Variants in EPS15L1 observed in about 807,000 individuals in gnomAD.
The protein encoded by EPS15L1 is epidermal growth factor receptor pathway substrate 15 like 1, also known as epidermal growth factor receptor substrate 15-like 1.
EPS15L1 carries 43 observed loss-of-function variants against 117.1 expected under a neutral mutation model. The observed-to-expected ratio is 0.37, with a 90% confidence interval of 0.29 to 0.47. The LOEUF (loss-of-function observed/expected upper bound fraction) is 0.47. EPS15L1 is among the 20% of genes least tolerant of loss of function. The pLI, the probability that EPS15L1 is intolerant of heterozygous loss-of-function variation, is 0.99. For synonymous variants in EPS15L1, 459 were observed against 470.5 expected, an observed-to-expected ratio of 0.98 and a Z score of 0.32; for missense variants, 981 against 1,164.0, an observed-to-expected ratio of 0.84 and a Z score of 2.29.
intron 23 of EPS15L1, chr19:16,356,209 AGCCCCACG>A (rs1468695423): frequency 9.6e-6 from 3 of 311,328 alleles, no homozygotes; most frequent in Non-Finnish European, 1.8e-5. Context: ...ATGGCTCTAA[AGCCCCACG>A]GCGCAGACAA....
At chr19:16,437,955 G>A in intron 4 of EPS15L1, 90 bp from the exon 5 acceptor site, 2 of 972,906 alleles carry the variant, frequency 2.1e-6, no homozygotes, top group South Asian at 2.8e-5. Context: ...CAGGGAAAGA[G>A]GATGTGCACT....
intron 22 of EPS15L1, among the ~76,000 whole-genome samples, chr19:16,362,664 C>A (rs1568387055): frequency 6.6e-6 from 1 of 151,862 alleles, no homozygotes; most frequent in South Asian, 2.1e-4. Flanking sequence ...CATGAGCCAC[C>A]ATGCGTGGCT....
At position 16,404,652 on chromosome 19, in the gene EPS15L1, T is replaced by G. The variant is rs1336398507; in HGVS notation, c.1364A>C (p.Gln455Pro). 3.7e-6 allele frequency: 6 copies of G among 1,614,088 alleles called. No homozygotes were observed. The highest frequency in any genetic ancestry group is 5.1e-6 in the Non-Finnish European group (6 of 1,180,038). ...AQDRLDEMDQ[Q>P]KAKLRDMLSD... ...CAGCATGTCTCGGAGCTTGGCCTTC[T>G]GCTGGTCCATCTCGTCCAGGCGGTC... Residue 455 changes from glutamine (Q) to proline (P), a missense_variant, in exon 14 of 24, where the codon CAG becomes CCG. Gln to Pro is a moderately conservative substitution (Grantham distance 76, BLOSUM62 -1). Transcript: ENST00000455140. The surrounding 1 kb of genome is among the most constrained non-coding windows in gnomAD (Gnocchi z 4.2).
At chr19:16,361,577 C>A in intron 23 of EPS15L1, 1 of 1,327,442 alleles carries the variant, frequency 7.5e-7, no homozygotes, top group Non-Finnish European at 9.6e-7. Flanking sequence ...AGCATCCAAA[C>A]TGCGGCTCTT....
Position 16,437,367 on chromosome 19 carries a change from G to A in EPS15L1, c.310-368C>T, listed in dbSNP as rs185173151. The stretch of plus-strand genomic sequence containing the variant: ...CATGGATGAACCCTGAAAACACGAT[G>A]CTGAGAGAGAGGCCAGACACAAAAG... On this transcript the variant is annotated intron_variant, in intron 5 of 23. Coordinates refer to ENST00000455140, the MANE Select transcript of EPS15L1 (RefSeq NM_001258374.3). Among the ~76,000 whole-genome samples, 9 of 152,302 alleles carry A rather than the reference G, an allele frequency of 5.9e-5. No individual in the cohort carries two copies. The East Asian group carries it at 1.7e-3, about 29-fold the overall frequency.
At chr19:16,446,744 C>T (rs1403095395) in intron 1 of EPS15L1, among the ~76,000 whole-genome samples, 4 of 152,096 alleles carry the variant, frequency 2.6e-5, no homozygotes, top group Non-Finnish European at 5.9e-5. Flanking sequence ...CATATGCTGG[C>T]CTGGGAAAAT....
intron 22 of EPS15L1, among the ~76,000 whole-genome samples, chr19:16,368,505 T>C (rs527439484): frequency 6.6e-6 from 1 of 152,142 alleles, no homozygotes; most frequent in Admixed American, 6.5e-5. Context: ...CAACTGTCAT[T>C]CACCCTACAC....
intron 23 of EPS15L1, among the ~76,000 whole-genome samples, chr19:16,360,374 G>T (rs1159466543): frequency 6.6e-6 from 1 of 152,030 alleles, no homozygotes; most frequent in African/African-American, 2.4e-5. Flanking sequence ...CCCCCAGTGC[G>T]CATCTAGGGT....
chr19:16,463,766 C>T (rs944551836), intron 1 of EPS15L1, among the ~76,000 whole-genome samples: 4 of 152,196 alleles, frequency 2.6e-5, no homozygotes, highest in Non-Finnish European at 5.9e-5. Context: ...AAAAGGTGTC[C>T]ATCTCCACCA....
At chr19:16,448,783 T>C (rs1055598372) in intron 1 of EPS15L1, among the ~76,000 whole-genome samples, 1 of 151,952 alleles carries the variant, frequency 6.6e-6, no homozygotes, top group African/African-American at 2.4e-5. Flanking sequence ...TGAGCCGAGA[T>C]TGTGCCACTG....
chr19:16,384,565 G>A (rs931541977), intron 21 of EPS15L1, among the ~76,000 whole-genome samples: 17 of 152,232 alleles, frequency 1.1e-4, no homozygotes, highest in Admixed American at 8.5e-4. Flanking sequence ...GCCACAGTGA[G>A]TTCAGGTCAC....
chr19:16,436,995 T>C lies in EPS15L1; in HGVS notation c.314A>G (p.Asp105Gly). ...TGTGACCATCAGAGGGCTGCTGGTG[T>C]CGTGCTGAGAAGAGAGAGAAACATT... Reference protein sequence around the residue: ...NLSMPPPKFHDTSSPLMVTPP... With the variant: ...NLSMPPPKFHGTSSPLMVTPP... Residue 105 changes from aspartate (D) to glycine (G), a missense_variant, in exon 6 of 24, where the codon GAC (aspartate) becomes GGC (glycine). Around this residue, in one of 5 missense-constraint regions of EPS15L1, gnomAD observed 52 missense variants for 53.1 expected, o/e 0.98. Transcript: ENST00000455140. The C allele has an allele frequency of 6.2e-7, 1 of 1,613,954 alleles. No individual in the cohort carries two copies. Among genetic ancestry groups the C allele is most frequent in the South Asian group, 1.1e-5 (1 of 91,068 alleles).
At chr19:16,449,565 A>T (rs540329268) in intron 1 of EPS15L1, among the ~76,000 whole-genome samples, 2 of 152,226 alleles carry the variant, frequency 1.3e-5, no homozygotes, top group East Asian at 3.9e-4. Flanking sequence ...CTGGAAACAG[A>T]CTGGCAGTTT....
At chr19:16,399,525 G>C (rs900735341) in intron 16 of EPS15L1, among the ~76,000 whole-genome samples, 1 of 152,224 alleles carries the variant, frequency 6.6e-6, no homozygotes, top group African/African-American at 2.4e-5. Context: ...CTTTAGAGGA[G>C]TGCTGGGCAG....
In EPS15L1 at chr19:16,404,995, G is replaced by A. The variant is rs969161618; in HGVS notation, c.1267-246C>T. 6.6e-6 allele frequency among the ~76,000 whole-genome samples: 1 copy of A among 152,218 alleles called. No individual in the cohort carries two copies. The highest frequency in any genetic ancestry group is 6.5e-5 in the Admixed American group (1 of 15,290). ...CGATGGCCTAACAGAGGCCAGGTGC[G>A]AGAGAAGGGGCTGGGTCCCTGTGAG... On this transcript the variant is annotated intron_variant, in intron 13 of 23. Transcript: ENST00000455140. This position sits in a 1 kb window ranked among gnomAD's most constrained non-coding sequence, Gnocchi z 4.2.
At chr19:16,400,993 CG>C in intron 16 of EPS15L1, 2 of 985,368 alleles carry the variant, frequency 2.0e-6, no homozygotes, top group South Asian at 9.4e-5. Flanking sequence ...AAGTAGGAGC[CG>C]GGTTGTGAGA....
chr19:16,434,566 GCC>G, intron 6 of EPS15L1, 76 bp from the exon 7 acceptor site: 1 of 1,521,434 alleles, frequency 6.6e-7, no homozygotes, highest in Non-Finnish European at 8.9e-7. Flanking sequence ...CTGACCGAAA[GCC>G]AAGTGAAAAT....
chr19:16,460,418 T>C (rs2093237603), intron 1 of EPS15L1, among the ~76,000 whole-genome samples: 1 of 152,220 alleles, frequency 6.6e-6, no homozygotes, highest in African/African-American at 2.4e-5. Context: ...ACATTTTAAA[T>C]GTGCATTAAA....
chr19:16,355,756 C>G lies in EPS15L1; in HGVS notation c.2682G>C (p.Glu894Asp). Residue 894 changes from glutamate (E) to aspartate (D), a missense_variant, in exon 24 of 24, where the codon GAG (glutamate) becomes GAC (aspartate). Transcript: ENST00000455140. ...RLARLRRQEQ[E>D]DLELAIALSK... ...TGAGCGCGATGGCCAGTTCCAGGTCCTCCTGCTCCTGCCGCCGCAGCCGCG... is the reference window on the plus strand; with the variant it reads ...TGAGCGCGATGGCCAGTTCCAGGTCGTCCTGCTCCTGCCGCCGCAGCCGCG... The G allele has an allele frequency of 1.3e-6, 2 of 1,536,072 alleles. No homozygotes were observed. The highest frequency in any genetic ancestry group is 2.0e-5 in the Admixed American group (1 of 51,010).
Sources: allele counts gnomAD v4.1 joint callset (sites outside exome capture counted in the v4.1 genomes callset), GRCh38; gene constraint gnomAD v4.1.1; regional missense constraint gnomAD v4.1.1; non-coding constraint Gnocchi (gnomAD v3.1); transcripts MANE v1.5; gene names NCBI Gene and HGNC (gene_info 2026-07-23, HGNC 2026-07-21).